The following GLRA2 variants were observed in gnomAD, a reference collection of about 807,000 sequenced individuals.
The protein encoded by GLRA2 is glycine receptor subunit alpha-2.
In GLRA2, 11 loss-of-function variants were observed where a neutral mutation model predicts 31.6. The observed-to-expected ratio is 0.35, with a 90% confidence interval of 0.22 to 0.58. The LOEUF is 0.58. Ranked by LOEUF, GLRA2 falls within the 20% of genes least tolerant of loss-of-function variation. The pLI is 0.84. For synonymous variants in GLRA2, 132 were observed against 134.0 expected, an observed-to-expected ratio of 0.99 and a Z score of 0.10; for missense variants, 212 against 351.8, an observed-to-expected ratio of 0.60 and a Z score of 3.18.
At chrX:14,559,184 G>A (rs774394411) in intron 2 of GLRA2, among the ~76,000 whole-genome samples, 1 of 111,226 alleles carries the variant, frequency 9.0e-6, no homozygotes, top group East Asian at 2.8e-4. Context: ...GGTTTTTGAT[G>A]AGTCCAAAGC....
At chrX:14,680,456 T>C (rs1283987347) in intron 7 of GLRA2, among the ~76,000 whole-genome samples, 3 of 111,857 alleles carry the variant, frequency 2.7e-5, no homozygotes, top group Non-Finnish European at 5.6e-5. Flanking sequence ...TCTTGCAAGT[T>C]TGTAGTAAAG....
intron 8 of GLRA2, among the ~76,000 whole-genome samples, chrX:14,720,509 G>C (rs1486627508): frequency 9.0e-6 from 1 of 111,032 alleles, no homozygotes; most frequent in Non-Finnish European, 1.9e-5. Flanking sequence ...AACTGTTATA[G>C]ACTCTTCCAT....
At chrX:14,587,355 T>C (rs995534444) in intron 4 of GLRA2, among the ~76,000 whole-genome samples, 8 of 112,155 alleles carry the variant, frequency 7.1e-5, no homozygotes, top group Non-Finnish European at 1.3e-4. Context: ...GTAAGTTATT[T>C]GAGACGTCTC....
At chrX:14,532,515 G>A (rs376527697) in intron 2 of GLRA2, 143 bp downstream of exon 2, 29 of 327,600 alleles carry the variant, frequency 8.9e-5, no homozygotes, top group East Asian at 2.0e-4. Context: ...ATTCTTTTGC[G>A]TTAGTTACTG....
chrX:14,704,904 G>A (rs1420704329), intron 8 of GLRA2, among the ~76,000 whole-genome samples: 1 of 111,932 alleles, frequency 8.9e-6, no homozygotes, highest in Non-Finnish European at 1.9e-5. Flanking sequence ...CTAATATGAG[G>A]TAGAGAATTT....
chrX:14,626,564 T>C (rs1205243133), intron 7 of GLRA2, among the ~76,000 whole-genome samples: 1 of 111,764 alleles, frequency 8.9e-6, no homozygotes, highest in Admixed American at 9.5e-5. Flanking sequence ...ACTTTCTCAG[T>C]TTAACTCAGT....
At chrX:14,557,606 T>G (rs1409731110) in intron 2 of GLRA2, among the ~76,000 whole-genome samples, 2 of 112,136 alleles carry the variant, frequency 1.8e-5, no homozygotes, top group Non-Finnish European at 3.8e-5. Context: ...ATAAACTTCC[T>G]ACTCATCCTG....
intron 7 of GLRA2, among the ~76,000 whole-genome samples, chrX:14,649,688 C>A (rs1023999552): frequency 9.0e-6 from 1 of 111,441 alleles, no homozygotes; most frequent in Non-Finnish European, 1.9e-5. Context: ...AAGTCCAAGA[C>A]GCAATACATG....
intron 2 of GLRA2, among the ~76,000 whole-genome samples, chrX:14,532,647 T>C (rs1294649571): frequency 9.0e-6 from 1 of 111,381 alleles, no homozygotes; most frequent in African/African-American, 3.3e-5. Flanking sequence ...TAAGTGGGAG[T>C]GTGGCTGAAA....
At chrX:14,690,621 A>T in intron 7 of GLRA2, 89 bp from the exon 8 acceptor site, 1 of 639,549 alleles carries the variant, frequency 1.6e-6, no homozygotes, top group Non-Finnish European at 2.5e-6. Flanking sequence ...TCACACCATT[A>T]AGAATCTGGT....
intron 8 of GLRA2, among the ~76,000 whole-genome samples, chrX:14,729,370 G>A (rs1385863659): frequency 9.0e-6 from 1 of 110,593 alleles, no homozygotes; most frequent in African/African-American, 3.3e-5. Flanking sequence ...CAACCCCACC[G>A]TTTGACCCCC....
intron 7 of GLRA2, among the ~76,000 whole-genome samples, chrX:14,635,756 T>C (rs999176078): frequency 8.9e-6 from 1 of 112,103 alleles, no homozygotes; most frequent in African/African-American, 3.2e-5. Flanking sequence ...TATGTGAATT[T>C]AATGAGATCA....
chrX:14,503,571 A>G, the GLRA2 span, among the ~76,000 whole-genome samples: 1 of 111,706 alleles, frequency 9.0e-6, no homozygotes, highest in Non-Finnish European at 1.9e-5. Flanking sequence ...CCTGGCTGCA[A>G]TACTTGCCCT....
rs1369357404 is a variant in GLRA2 at position 14,731,615 on chromosome X, C to T, written c.*1130C>T. 1.8e-5 allele frequency: 2 copies of T among 111,470 alleles called. No individual in the cohort carries two copies. Among genetic ancestry groups the T allele is most frequent in the Admixed American group, 9.6e-5 (1 of 10,436 alleles). The allele number at this position is 111,470 out of a possible 1,213,427, so 9.2% of individuals were successfully genotyped here. ...AAATTGTACTGTGATTTTCATAACCCGTTGCCTTTTTGGTACCAGAGCTAC... is the reference window on the plus strand; with the variant it reads ...AAATTGTACTGTGATTTTCATAACCTGTTGCCTTTTTGGTACCAGAGCTAC... On this transcript the variant is annotated 3_prime_UTR_variant, in exon 9 of 9. Coordinates refer to ENST00000218075, the MANE Select transcript of GLRA2 (RefSeq NM_002063.4).
upstream of GLRA2, among the ~76,000 whole-genome samples, chrX:14,527,404 C>T (rs1298121559): frequency 1.8e-5 from 2 of 111,489 alleles, no homozygotes; most frequent in Admixed American, 9.5e-5. Flanking sequence ...ATCACAAGGT[C>T]AAGAGATCAA....
the GLRA2 span, among the ~76,000 whole-genome samples, chrX:14,484,883 G>A: frequency 4.5e-5 from 5 of 111,749 alleles, no homozygotes; most frequent in South Asian, 7.5e-4. Flanking sequence ...TGTTCATTTC[G>A]GTAAATACCT....
chrX:14,521,247 T>C, the GLRA2 span, among the ~76,000 whole-genome samples: 5 of 112,343 alleles, frequency 4.5e-5, no homozygotes, highest in East Asian at 5.6e-4. Flanking sequence ...CCAGAGGAGA[T>C]TGGCATATGA....
rs984981048 is a variant in GLRA2 at position 14,690,772 on chromosome X, C to T, written c.993C>T (p.Ala331=). Residue 331 remains alanine, a synonymous_variant, in exon 8 of 9, where the codon GCC becomes GCT. Coordinates refer to ENST00000218075, the MANE Select transcript of GLRA2 (RefSeq NM_002063.4). The part of the protein sequence containing the change: ...MAVCLLFVFA[A]LLEYAAVNFV... ...TGTGCCTTCTGTTTGTGTTTGCTGC[C>T]TTACTGGAATACGCAGCGGTGAACT... 1.7e-6 allele frequency: 2 copies of T among 1,201,837 alleles called. No individual in the cohort carries two copies. Among genetic ancestry groups the T allele is most frequent in the Non-Finnish European group, 2.2e-6 (2 of 888,967 alleles).
At chrX:14,492,874 T>G in the GLRA2 span, among the ~76,000 whole-genome samples, 46 of 111,861 alleles carry the variant, frequency 4.1e-4, 1 homozygote, top group African/African-American at 1.5e-3. Context: ...CTGGCAGGTC[T>G]GGTGTCTGCT....
Sources: allele counts gnomAD v4.1 joint callset (sites outside exome capture counted in the v4.1 genomes callset), GRCh38; gene constraint gnomAD v4.1.1; transcripts MANE v1.5; gene names NCBI Gene and HGNC (gene_info 2026-07-23, HGNC 2026-07-21).